Variants in HCN1 observed in about 807,000 individuals in gnomAD.
HCN1 encodes the protein hyperpolarization activated cyclic nucleotide gated potassium channel 1.
In HCN1, 13 loss-of-function variants were observed where a neutral mutation model predicts 78.9. The observed-to-expected ratio is 0.16, with a 90% CI of 0.11 to 0.26. The LOEUF (loss-of-function observed/expected upper bound fraction) is 0.26, where lower values mean the gene tolerates loss of function less well. Ranked by LOEUF, HCN1 falls within the 10% of genes least tolerant of loss-of-function variation. HCN1 has a pLI of 1.00. For synonymous variants in HCN1, 552 were observed against 455.5 expected (o/e 1.21, Z -2.70); for missense variants, 810 against 1,154.3 (o/e 0.70, Z 4.32).
At chr5:45,625,307 C>A (rs1745142081) in intron 2 of HCN1, among the ~76,000 whole-genome samples, 1 of 96,960 alleles carries the variant, frequency 1.0e-5, no homozygotes, top group African/African-American at 2.8e-5. Context: ...TGTCTCAAAA[C>A]AAAACAAAAC....
chr5:45,349,110 C>A (rs1359317069), intron 5 of HCN1, among the ~76,000 whole-genome samples: 2 of 152,006 alleles, frequency 1.3e-5, no homozygotes, highest in Non-Finnish European at 2.9e-5. Flanking sequence ...CAAAATTGAC[C>A]ACATACTTGG....
At chr5:45,280,351 G>A (rs1357447642) in intron 6 of HCN1, among the ~76,000 whole-genome samples, 1 of 152,158 alleles carries the variant, frequency 6.6e-6, no homozygotes, top group East Asian at 1.9e-4. Context: ...TAAATGCAAA[G>A]AGAAATCATC....
At chr5:45,429,164 A>G (rs1034164793) in intron 3 of HCN1, among the ~76,000 whole-genome samples, 1 of 152,248 alleles carries the variant, frequency 6.6e-6, no homozygotes, top group Non-Finnish European at 1.5e-5. Flanking sequence ...AGAATTTATA[A>G]GAAATGATGG....
intron 3 of HCN1, among the ~76,000 whole-genome samples, chr5:45,419,341 G>A (rs1025142405): frequency 2.0e-5 from 3 of 152,054 alleles, no homozygotes; most frequent in African/African-American, 4.8e-5. Flanking sequence ...TGATACCCTC[G>A]GAGTGTGAAG....
At chr5:45,515,919 T>C (rs1458410646) in intron 2 of HCN1, among the ~76,000 whole-genome samples, 1 of 151,994 alleles carries the variant, frequency 6.6e-6, no homozygotes, top group Non-Finnish European at 1.5e-5. Context: ...AAAATGCCTC[T>C]TTCTTTTCAG....
chr5:45,306,482 G>C (rs941240412), intron 5 of HCN1, among the ~76,000 whole-genome samples: 6 of 151,850 alleles, frequency 4.0e-5, no homozygotes, highest in African/African-American at 1.2e-4. Context: ...CTTCCTTCAT[G>C]CAACTTTTAC....
intron 2 of HCN1, among the ~76,000 whole-genome samples, chr5:45,585,185 C>G (rs1459103435): frequency 1.3e-5 from 2 of 152,176 alleles, no homozygotes; most frequent in Non-Finnish European, 2.9e-5. Context: ...TAGATTTGGC[C>G]TTTTCACATA....
At chr5:45,588,177 T>C (rs982254118) in intron 2 of HCN1, among the ~76,000 whole-genome samples, 6 of 152,228 alleles carry the variant, frequency 3.9e-5, no homozygotes, top group Admixed American at 3.9e-4. Context: ...ATTCAAAAAA[T>C]ATATAATCCC....
At chr5:45,606,362 A>G (rs1744727619) in intron 2 of HCN1, among the ~76,000 whole-genome samples, 1 of 151,984 alleles carries the variant, frequency 6.6e-6, no homozygotes, top group African/African-American at 2.4e-5. Flanking sequence ...CAAAAAAAGA[A>G]AAAATAATTA....
intron 2 of HCN1, among the ~76,000 whole-genome samples, chr5:45,548,454 C>T (rs2625498): frequency 0.046 from 6,915 of 151,944 alleles, 554 homozygotes; most frequent in African/African-American, 0.16. Flanking sequence ...GCCCTTCATG[C>T]TAAAAACTCT....
In HCN1 at chr5:45,612,130, A is replaced by T. The variant is rs528871689; in HGVS notation, c.849+33055T>A. On this transcript the variant is annotated intron_variant, in intron 2 of 7. Coordinates refer to ENST00000303230, the MANE Select transcript of HCN1 (RefSeq NM_021072.4). ...TCAATATGTTATTTCTGCAGTCTTG[A>T]TTTAATTTTCTGGAGTTTCTATGTT... is the stretch of plus-strand genomic sequence containing the variant. Among the ~76,000 whole-genome samples, 113 of 152,226 alleles carry T rather than the reference A, an allele frequency of 7.4e-4. 1 individual carries two copies. The highest frequency in any genetic ancestry group is 1.1e-3 in the Non-Finnish European group (72 of 68,006).
intron 5 of HCN1, among the ~76,000 whole-genome samples, chr5:45,351,857 C>T (rs750923863): frequency 1.3e-5 from 2 of 151,878 alleles, no homozygotes; most frequent in Non-Finnish European, 2.9e-5. Context: ...GAATGGCGAT[C>T]ATTAAAAAGT....
intron 2 of HCN1, among the ~76,000 whole-genome samples, chr5:45,515,104 G>A (rs1742492186): frequency 6.6e-6 from 1 of 151,794 alleles, no homozygotes; most frequent in African/African-American, 2.4e-5. Context: ...GACCCTATGT[G>A]CACAGTTTTC....
chr5:45,684,697 C>T (rs1739769699), intron 1 of HCN1, among the ~76,000 whole-genome samples: 1 of 152,114 alleles, frequency 6.6e-6, no homozygotes, highest in South Asian at 2.1e-4. Flanking sequence ...CCCATCTCTA[C>T]TGAAAATACA....
At chr5:45,573,636 A>G (rs1428441530) in intron 2 of HCN1, among the ~76,000 whole-genome samples, 2 of 152,074 alleles carry the variant, frequency 1.3e-5, no homozygotes, top group African/African-American at 2.4e-5. Flanking sequence ...CCAGAAATAG[A>G]CTTGAAAATT....
At chr5:45,291,506 T>C (rs1745375247) in intron 6 of HCN1, among the ~76,000 whole-genome samples, 2 of 152,068 alleles carry the variant, frequency 1.3e-5, no homozygotes, top group South Asian at 4.1e-4. Context: ...TGATAACGTT[T>C]CTCCCTCAGA....
chr5:45,489,773 A>G (rs745828639), intron 2 of HCN1, among the ~76,000 whole-genome samples: 5 of 152,142 alleles, frequency 3.3e-5, no homozygotes, highest in Non-Finnish European at 7.3e-5. Context: ...TCACATTCTA[A>G]CTTTAGAGAC....
At chr5:45,383,389 C>A (rs1348270189) in intron 4 of HCN1, among the ~76,000 whole-genome samples, 2 of 152,058 alleles carry the variant, frequency 1.3e-5, no homozygotes, top group Non-Finnish European at 2.9e-5. Flanking sequence ...TCAAAATCTA[C>A]ACCTAGATTT....
At chr5:45,676,813 A>C (rs1746275004) in intron 1 of HCN1, among the ~76,000 whole-genome samples, 1 of 151,780 alleles carries the variant, frequency 6.6e-6, no homozygotes, top group African/African-American at 2.4e-5. Context: ...AAAATGGGCA[A>C]AGGTTGTGAT....
Sources: gnomAD v4.1 joint callset for allele counts (sites outside exome capture counted in the v4.1 genomes callset) on GRCh38, gnomAD v4.1.1 for gene constraint, MANE v1.5 for transcripts, NCBI Gene and HGNC (gene_info 2026-07-23, HGNC 2026-07-21) for gene names.